The following ATP8B4 variants were observed in gnomAD, a reference collection of about 807,000 sequenced individuals.
ATP8B4 encodes the protein ATPase phospholipid transporting 8B4 (putative).
ATP8B4 carries 133 observed loss-of-function variants against 145.6 expected under a neutral mutation model. The ratio of observed to expected loss-of-function variants is 0.91; its 90% confidence interval spans 0.79 to 1.05. The LOEUF (loss-of-function observed/expected upper bound fraction) is 1.05, where lower values mean the gene tolerates loss of function less well. Among genes scored for constraint, ATP8B4 ranks in the 50% least tolerant of loss-of-function variants. The probability of loss-of-function intolerance (pLI) is 0.00; values close to 1 mark genes in which losing one functional copy is unlikely to be tolerated. For synonymous variants in ATP8B4, 507 were observed against 492.9 expected (o/e 1.03, Z -0.38); for missense variants, 1,458 against 1,425.2 (o/e 1.02, Z -0.37).
chr15:50,119,163 C>G lies in ATP8B4; in HGVS notation c.-83G>C, dbSNP rs2057233923. ...ATCCTCTCCCCCAAAAGGAAGATTT[C>G]TCAGCAGTGCAGGAAGATCAAACAG... On this transcript the variant is annotated 5_prime_UTR_variant, in exon 1 of 28. Transcript: ENST00000284509. 6.6e-6 allele frequency: 1 copy of G among 152,258 alleles called. No individual in the cohort carries two copies. The highest frequency in any genetic ancestry group is 2.4e-5 in the African/African-American group (1 of 41,452). 9.4% of individuals were successfully genotyped at this position (152,258 alleles called of 1,614,324 possible).
At chr15:49,979,854 C>T in intron 11 of ATP8B4, 41 bp from the exon 12 acceptor site, 1 of 1,375,544 alleles carries the variant, frequency 7.3e-7, no homozygotes, top group South Asian at 1.5e-5. Flanking sequence ...AACTTGAACT[C>T]AAAATTAGTC....
At chr15:49,864,247 C>T (rs532483096) in intron 26 of ATP8B4, among the ~76,000 whole-genome samples, 24 of 152,240 alleles carry the variant, frequency 1.6e-4, no homozygotes, top group African/African-American at 5.1e-4. Context: ...TAAGTGTATG[C>T]GTGAATTTAA....
intron 2 of ATP8B4, among the ~76,000 whole-genome samples, chr15:50,076,758 TAA>T (rs2054203595): frequency 6.6e-6 from 1 of 152,228 alleles, no homozygotes. Context: ...CTTTCTGAAC[TAA>T]GTCTTCCTGG....
intron 6 of ATP8B4, among the ~76,000 whole-genome samples, chr15:50,035,158 A>C (rs976135039): frequency 1.3e-5 from 2 of 152,198 alleles, no homozygotes; most frequent in African/African-American, 4.8e-5. Context: ...GAAAACAAAA[A>C]AAAAAGTGAA....
At position 49,971,424 on chromosome 15, in the gene ATP8B4, G is replaced by C. The variant is rs139926472; in HGVS notation, c.1243+1158C>G. Among the ~76,000 whole-genome samples the C allele has an allele frequency of 2.0e-3, 299 of 152,096 alleles. 1 individual carries two copies. Among genetic ancestry groups the C allele is most frequent in the African/African-American group, 7.0e-3 (289 of 41,514 alleles). The stretch of plus-strand genomic sequence containing the variant: ...ACAAAGAACTTAAACAAATTTACAA[G>C]ATAAAAACAAACAACCCCATCAAAA... On this transcript the variant is annotated intron_variant, in intron 13 of 27. Coordinates refer to ENST00000284509, the MANE Select transcript of ATP8B4 (RefSeq NM_024837.4).
At chr15:50,127,349 C>T (rs1270640097) in intron 1 of ATP8B4, among the ~76,000 whole-genome samples, 1 of 152,236 alleles carries the variant, frequency 6.6e-6, no homozygotes, top group African/African-American at 2.4e-5. Flanking sequence ...CATGGGCAGG[C>T]AGATTAACTG....
intron 2 of ATP8B4, among the ~76,000 whole-genome samples, chr15:50,087,419 TATC>T (rs1183539885): frequency 1.0e-4 from 15 of 146,572 alleles, no homozygotes; most frequent in Non-Finnish European, 1.6e-4. Context: ...ATATATTACA[TATC>T]ATATATATTT....
At chr15:50,062,256 T>C (rs750457875) in intron 3 of ATP8B4, among the ~76,000 whole-genome samples, 2 of 152,212 alleles carry the variant, frequency 1.3e-5, no homozygotes, top group Non-Finnish European at 2.9e-5. Flanking sequence ...CCCTTGGTAC[T>C]GTCCTTACAA....
At chr15:49,950,532 T>C (rs1447176437) in intron 14 of ATP8B4, among the ~76,000 whole-genome samples, 8 of 150,942 alleles carry the variant, frequency 5.3e-5, no homozygotes, top group South Asian at 4.2e-4. Context: ...TTATTGTGTC[T>C]GTTTGATTCT....
At chr15:50,081,812 A>G (rs1420531877) in intron 2 of ATP8B4, among the ~76,000 whole-genome samples, 1 of 152,238 alleles carries the variant, frequency 6.6e-6, no homozygotes, top group Non-Finnish European at 1.5e-5. Context: ...TTAACTCCAG[A>G]GCATTTTGTC....
chr15:49,943,502 C>T (rs1210439577), intron 14 of ATP8B4, among the ~76,000 whole-genome samples: 1 of 152,080 alleles, frequency 6.6e-6, no homozygotes, highest in East Asian at 1.9e-4. Context: ...ACAAGGGAAC[C>T]TCCACAAGAT....
At chr15:50,166,008 C>CACACAT (rs59587584) in intron 1 of ATP8B4, among the ~76,000 whole-genome samples, 1 of 146,712 alleles carries the variant, frequency 6.8e-6, no homozygotes, top group Non-Finnish European at 1.5e-5. Flanking sequence ...CACACACACA[C>CACACAT]CTCATCTAAC....
intron 2 of ATP8B4, among the ~76,000 whole-genome samples, chr15:50,100,340 GATACCACTTGTAGGTAAAT>G (rs1414953177): frequency 2.0e-5 from 3 of 152,164 alleles, no homozygotes; most frequent in Non-Finnish European, 2.9e-5. Flanking sequence ...CTCTGGCAAA[GATACCACTTGTAGGTAAAT>G]ATACCACTTG....
chr15:49,987,585 A>G (rs373796732), intron 9 of ATP8B4, 36 bp from the exon 10 acceptor site: 149 of 1,588,694 alleles, frequency 9.4e-5, no homozygotes, highest in Non-Finnish European at 1.2e-4. Context: ...CCTCTTTATG[A>G]CTCACCCAAA....
At chr15:50,035,595 G>A (rs2050774761) in intron 6 of ATP8B4, among the ~76,000 whole-genome samples, 1 of 152,086 alleles carries the variant, frequency 6.6e-6, no homozygotes. Flanking sequence ...ACTTAAGTGT[G>A]GGAGCACTGG....
At chr15:50,157,900 G>T (rs555381658) in intron 1 of ATP8B4, among the ~76,000 whole-genome samples, 4 of 151,870 alleles carry the variant, frequency 2.6e-5, no homozygotes, top group South Asian at 2.1e-4. Flanking sequence ...GATTGCAGGC[G>T]CGTGCCGCCA....
intron 9 of ATP8B4, among the ~76,000 whole-genome samples, chr15:49,993,860 A>G (rs758757838): frequency 2.6e-5 from 4 of 152,138 alleles, no homozygotes; most frequent in Non-Finnish European, 5.9e-5. Context: ...CAGTTTAAGT[A>G]TATATAATCA....
At chr15:50,010,279 A>T (rs2048632027) in intron 7 of ATP8B4, among the ~76,000 whole-genome samples, 1 of 152,082 alleles carries the variant, frequency 6.6e-6, no homozygotes. Context: ...AATCCCTTGA[A>T]TTTTATTAAG....
chr15:50,060,104 T>A (rs2052901256), intron 3 of ATP8B4, among the ~76,000 whole-genome samples: 1 of 152,156 alleles, frequency 6.6e-6, no homozygotes, highest in Admixed American at 6.5e-5. Flanking sequence ...GCCAGAGCCA[T>A]GACCCACAGC....
Sources: gnomAD v4.1 joint callset for allele counts (sites outside exome capture counted in the v4.1 genomes callset) on GRCh38, gnomAD v4.1.1 for gene constraint, MANE v1.5 for transcripts, NCBI Gene and HGNC (gene_info 2026-07-23, HGNC 2026-07-21) for gene names.